The following C8orf89 variants were observed in gnomAD, a reference collection of about 807,000 sequenced individuals.
The protein encoded by C8orf89 is chromosome 8 open reading frame 89, also known as putative uncharacterized protein C8orf89.
Under a neutral mutation model 15.8 loss-of-function variants are expected in C8orf89, and 14 were observed. The observed-to-expected ratio is 0.89, with a 90% CI of 0.59 to 1.39. The LOEUF (loss-of-function observed/expected upper bound fraction) is 1.39, where lower values mean the gene tolerates loss of function less well. Ranked by LOEUF, C8orf89 falls within the 40% of genes most tolerant of loss-of-function variation. The pLI is 0.00. For synonymous variants in C8orf89, 55 were observed against 62.2 expected, an observed-to-expected ratio of 0.88 and a Z score of 0.54; for missense variants, 181 against 184.5, an observed-to-expected ratio of 0.98 and a Z score of 0.11.
intron 2 of C8orf89, among the ~76,000 whole-genome samples, chr8:73,252,050 A>G (rs530745177): frequency 2.0e-5 from 3 of 152,194 alleles, no homozygotes; most frequent in African/African-American, 7.2e-5. Flanking sequence ...TTAAGTTACC[A>G]TCTGGTAGCA....
At chr8:73,252,753 A>G (rs199579797) in intron 2 of C8orf89, among the ~76,000 whole-genome samples, 2 of 152,236 alleles carry the variant, frequency 1.3e-5, no homozygotes, top group East Asian at 3.8e-4. Context: ...TATAATAGGA[A>G]GATAATATAA....
the C8orf89 span, among the ~76,000 whole-genome samples, chr8:73,273,156 A>T: frequency 6.6e-6 from 1 of 152,198 alleles, no homozygotes; most frequent in East Asian, 1.9e-4. Flanking sequence ...TGCATGCTCC[A>T]TGGAGCCAGT....
upstream of C8orf89, among the ~76,000 whole-genome samples, chr8:73,261,361 G>A (rs1667050710): frequency 6.6e-6 from 1 of 152,106 alleles, no homozygotes; most frequent in Non-Finnish European, 1.5e-5. Context: ...AGCAGGGAGG[G>A]AAGGGGAAAA....
upstream of C8orf89, among the ~76,000 whole-genome samples, chr8:73,262,330 G>C (rs183520078): frequency 2.0e-4 from 31 of 152,172 alleles, no homozygotes; most frequent in African/African-American, 7.2e-4. Flanking sequence ...CTGCATTTCT[G>C]AACATTCCAG....
chr8:73,251,397 G>A (rs1157516665), intron 2 of C8orf89, among the ~76,000 whole-genome samples: 1 of 152,128 alleles, frequency 6.6e-6, no homozygotes. Context: ...ATACTTGCAG[G>A]CAATTTGACA....
chr8:73,267,073 G>T, the C8orf89 span, among the ~76,000 whole-genome samples: 22 of 152,248 alleles, frequency 1.4e-4, 1 homozygote, highest in East Asian at 4.2e-3. Context: ...TAAGCATGTA[G>T]AATACACAAA....
At chr8:73,253,773 C>G (rs886364622) in intron 2 of C8orf89, among the ~76,000 whole-genome samples, 9 of 149,766 alleles carry the variant, frequency 6.0e-5, no homozygotes, top group Admixed American at 2.6e-4. Context: ...GATTTTTGTA[C>G]ATTGATTTTG....
At chr8:73,268,078 G>GT in the C8orf89 span, among the ~76,000 whole-genome samples, 1 of 152,196 alleles carries the variant, frequency 6.6e-6, no homozygotes, top group East Asian at 1.9e-4. Flanking sequence ...TCAGACTGCA[G>GT]TTTTGACCTG....
At chr8:73,277,232 A>C in the C8orf89 span, 1 of 405,420 alleles carries the variant, frequency 2.5e-6, no homozygotes, top group Non-Finnish European at 4.4e-6. Flanking sequence ...AAAATACATT[A>C]ATAATCCATA....
At chr8:73,253,417 G>A (rs1299505206) in intron 2 of C8orf89, among the ~76,000 whole-genome samples, 2 of 151,972 alleles carry the variant, frequency 1.3e-5, no homozygotes, top group African/African-American at 4.8e-5. Context: ...TTGGCGATGC[G>A]GGCTCTTTTT....
chr8:73,282,018 T>C, the C8orf89 span, among the ~76,000 whole-genome samples: 1 of 152,244 alleles, frequency 6.6e-6, no homozygotes, highest in South Asian at 2.1e-4. Flanking sequence ...ACCTTGAAAT[T>C]GTTATGTGAG....
At chr8:73,264,800 T>C in the C8orf89 span, among the ~76,000 whole-genome samples, 1 of 152,236 alleles carries the variant, frequency 6.6e-6, no homozygotes, top group Non-Finnish European at 1.5e-5. Context: ...AATAAGGTGA[T>C]CCTGAGCTGA....
the C8orf89 span, chr8:73,277,737 G>A: frequency 3.4e-5 from 25 of 745,682 alleles, no homozygotes; most frequent in Admixed American, 1.6e-4. Flanking sequence ...CACCCAGCTC[G>A]TCCACATGGG....
At chr8:73,271,000 T>C in the C8orf89 span, among the ~76,000 whole-genome samples, 1 of 152,178 alleles carries the variant, frequency 6.6e-6, no homozygotes. Context: ...GATGAATGTA[T>C]ATAGATGCAA....
the C8orf89 span, among the ~76,000 whole-genome samples, chr8:73,283,300 AT>A: frequency 6.6e-6 from 1 of 152,316 alleles, no homozygotes; most frequent in South Asian, 2.1e-4. Context: ...CAAATACACA[AT>A]CCAATTTAAT....
intron 3 of C8orf89, among the ~76,000 whole-genome samples, chr8:73,241,917 A>T (rs1215208505): frequency 6.6e-6 from 1 of 152,168 alleles, no homozygotes; most frequent in African/African-American, 2.4e-5. Flanking sequence ...AAAACTGGGT[A>T]TTATGGATAT....
intron 1 of C8orf89, among the ~76,000 whole-genome samples, chr8:73,257,447 G>C (rs1271725340): frequency 6.6e-6 from 1 of 152,138 alleles, no homozygotes; most frequent in African/African-American, 2.4e-5. Flanking sequence ...CCTTCACACT[G>C]AAATAAAAGG....
chr8:73,280,758 TAC>T, the C8orf89 span, among the ~76,000 whole-genome samples: 1 of 144,918 alleles, frequency 6.9e-6, no homozygotes, highest in Non-Finnish European at 1.6e-5. Context: ...CACACACATA[TAC>T]ATACATACAT....
upstream of C8orf89, among the ~76,000 whole-genome samples, chr8:73,263,091 G>GA (rs202140217): frequency 0.012 from 1,839 of 152,130 alleles, 36 homozygotes; most frequent in African/African-American, 0.042. Flanking sequence ...AAAAATCACT[G>GA]AAAAAATGCT....
Sources: gnomAD v4.1 joint callset for allele counts (sites outside exome capture counted in the v4.1 genomes callset) on GRCh38, gnomAD v4.1.1 for gene constraint, MANE v1.5 for transcripts, NCBI Gene and HGNC (gene_info 2026-07-23, HGNC 2026-07-21) for gene names.